MEI4: variants seen among roughly 807,000 people sequenced by gnomAD.
MEI4 encodes the protein meiotic double-stranded break formation protein 4, also known as meiosis-specific protein MEI4.
MEI4 carries 27 observed loss-of-function variants against 31.4 expected under a neutral mutation model. The observed-to-expected ratio is 0.86, with a 90% CI of 0.63 to 1.19. MEI4 has a LOEUF of 1.19. Among genes scored for constraint, MEI4 ranks in the 50% most tolerant of loss-of-function variants. The probability of loss-of-function intolerance (pLI) is 0.00; values close to 1 mark genes in which losing one functional copy is unlikely to be tolerated. For synonymous variants in MEI4, 122 were observed against 145.4 expected, an observed-to-expected ratio of 0.84 and a Z score of 1.16; for missense variants, 329 against 398.9, an observed-to-expected ratio of 0.82 and a Z score of 1.49.
chr6:77,659,683 C>T (rs1768465803), intron 1 of MEI4, among the ~76,000 whole-genome samples: 1 of 152,074 alleles, frequency 6.6e-6, no homozygotes, highest in African/African-American at 2.4e-5. Flanking sequence ...CAAGTGTCTT[C>T]CTAAGCAATA....
At chr6:77,695,072 T>G (rs1034482072) in intron 2 of MEI4, among the ~76,000 whole-genome samples, 1 of 152,230 alleles carries the variant, frequency 6.6e-6, no homozygotes, top group East Asian at 1.9e-4. Flanking sequence ...TTTTGAGAAG[T>G]GTCTGTTCGT....
intron 2 of MEI4, among the ~76,000 whole-genome samples, chr6:77,724,965 T>C (rs1424666390): frequency 7.0e-6 from 1 of 142,646 alleles, no homozygotes; most frequent in Non-Finnish European, 1.5e-5. Context: ...TGAAATACTA[T>C]CTTCTTCTGT....
At chr6:77,896,852 T>A (rs1484273990) in intron 4 of MEI4, among the ~76,000 whole-genome samples, 2 of 152,006 alleles carry the variant, frequency 1.3e-5, no homozygotes, top group East Asian at 3.9e-4. Context: ...TTCACCACAG[T>A]GTAGTACTTG....
intron 4 of MEI4, among the ~76,000 whole-genome samples, chr6:77,877,419 T>A (rs2127727442): frequency 6.6e-6 from 1 of 152,258 alleles, no homozygotes; most frequent in African/African-American, 2.4e-5. Flanking sequence ...TTTTGACAGT[T>A]GAAATGCCAG....
At chr6:77,743,457 T>C (rs1410063052) in intron 2 of MEI4, among the ~76,000 whole-genome samples, 6 of 152,312 alleles carry the variant, frequency 3.9e-5, no homozygotes, top group South Asian at 2.1e-4. Context: ...CTTGTGATTT[T>C]TGTACATTGA....
intron 3 of MEI4, among the ~76,000 whole-genome samples, chr6:77,782,602 G>A (rs571249398): frequency 0.011 from 1,720 of 152,212 alleles, 29 homozygotes; most frequent in African/African-American, 0.039. Context: ...CTGAAAGAGG[G>A]AAGTCACATG....
chr6:77,710,062 T>C (rs1349509462), intron 2 of MEI4, among the ~76,000 whole-genome samples: 1 of 152,206 alleles, frequency 6.6e-6, no homozygotes, highest in Non-Finnish European at 1.5e-5. Flanking sequence ...CAGTGATTTA[T>C]ACTTTTCTAG....
At chr6:77,858,497 GT>G (rs999190512) in intron 4 of MEI4, among the ~76,000 whole-genome samples, 6 of 151,816 alleles carry the variant, frequency 4.0e-5, no homozygotes, top group African/African-American at 9.7e-5. Flanking sequence ...AGCAATTGGA[GT>G]TTTTTTTCTT....
At position 77,761,287 on chromosome 6, in the gene MEI4, T is replaced by A. The variant is rs1768038162; in HGVS notation, c.390T>A (p.Phe130Leu). 8.1e-7 allele frequency: 1 copy of A among 1,232,526 alleles called. No homozygotes were observed. Among genetic ancestry groups the A allele is most frequent in the Admixed American group, 4.2e-5 (1 of 23,702 alleles). 76.3% of individuals were successfully genotyped at this position (1,232,526 alleles called of 1,614,324 possible). A position where few individuals can be genotyped will look rare whatever the true frequency, so the allele number is the denominator to read the frequency against. The change falls in exon 3 of 5, where the codon TTT becomes TTA. Residue 130 changes from phenylalanine to leucine, a missense_variant. Transcript: ENST00000684080. ...HFVESCTPTH[F>L]PPLPLVKRPC... ...TGGAAAGCTGTACCCCCACTCACTT[T>A]CCACCACTGCCTCTTGTGAAAAGAC...
chr6:77,750,980 A>T (rs528669090), intron 2 of MEI4, among the ~76,000 whole-genome samples: 4 of 152,344 alleles, frequency 2.6e-5, no homozygotes, highest in Non-Finnish European at 5.9e-5. Flanking sequence ...AAACTGCACG[A>T]CTGCATGGAA....
intron 4 of MEI4, among the ~76,000 whole-genome samples, chr6:77,851,954 G>T (rs536183093): frequency 2.0e-5 from 3 of 152,222 alleles, no homozygotes; most frequent in Admixed American, 1.3e-4. Context: ...ATTTAAAAAT[G>T]AATTGAACGC....
chr6:77,730,688 A>T (rs1177542439), intron 2 of MEI4, among the ~76,000 whole-genome samples: 1 of 152,024 alleles, frequency 6.6e-6, no homozygotes, highest in East Asian at 1.9e-4. Flanking sequence ...CAAGTTAGTT[A>T]CATATGTATA....
rs1464088876 is a variant in MEI4 at position 77,915,677 on chromosome 6, TTTATAA to T, written c.901-7406_901-7401del. Among the ~76,000 whole-genome samples the T allele has an allele frequency of 4.6e-5, 7 of 152,206 alleles. No individual in the cohort carries two copies. In the South Asian group the frequency reaches 1.2e-3, roughly 27 times the overall value. On this transcript the variant is annotated intron_variant, in intron 4 of 4. Coordinates refer to ENST00000684080, the MANE Select transcript of MEI4 (RefSeq NM_001322247.2). ...TTATATCTTCTTTCTAATTGGTCCCTTTATAATTATATAATGACCTTCTTTGTTTCT... is the reference window on the plus strand; with the variant it reads ...TTATATCTTCTTTCTAATTGGTCCCTTTATATAATGACCTTCTTTGTTTCT...
At chr6:77,704,123 T>C (rs1029515396) in intron 2 of MEI4, among the ~76,000 whole-genome samples, 4 of 152,234 alleles carry the variant, frequency 2.6e-5, no homozygotes, top group Non-Finnish European at 5.9e-5. Flanking sequence ...CAAGAATATG[T>C]CAGCTTCTCT....
rs149127141 is a variant in MEI4, at chr6:77,808,954, G to A, written c.769-19977G>A. On this transcript the variant is annotated intron_variant, in intron 3 of 4. Transcript: ENST00000684080. ...ATTCTATGAAGGGGCATGACTTTGGGTGACGTGGCTCTCTGCAAATGAGGC... is the reference window on the plus strand; with the variant it reads ...ATTCTATGAAGGGGCATGACTTTGGATGACGTGGCTCTCTGCAAATGAGGC... Among the ~76,000 whole-genome samples the A allele has an allele frequency of 1.4e-3, 213 of 152,294 alleles. 1 individual carries two copies. Among genetic ancestry groups the A allele is most frequent in the African/African-American group, 4.5e-3 (187 of 41,566 alleles).
intron 4 of MEI4, among the ~76,000 whole-genome samples, chr6:77,901,617 T>C (rs1766190475): frequency 6.6e-6 from 1 of 152,066 alleles, no homozygotes; most frequent in Non-Finnish European, 1.5e-5. Context: ...ATATTAGCCC[T>C]TTATCAGGTA....
At chr6:77,866,595 A>G (rs1771035115) in intron 4 of MEI4, among the ~76,000 whole-genome samples, 1 of 152,308 alleles carries the variant, frequency 6.6e-6, no homozygotes, top group Non-Finnish European at 1.5e-5. Flanking sequence ...AGAAATGGAA[A>G]AACATTCCAT....
intron 3 of MEI4, among the ~76,000 whole-genome samples, chr6:77,777,054 A>G (rs1458011435): frequency 1.3e-5 from 2 of 152,162 alleles, no homozygotes; most frequent in African/African-American, 2.4e-5. Context: ...TAAAGTATAC[A>G]CTGGAAGCTT....
chr6:77,836,753 A>G (rs554480013), intron 4 of MEI4, among the ~76,000 whole-genome samples: 1 of 152,218 alleles, frequency 6.6e-6, no homozygotes, highest in South Asian at 2.1e-4. Flanking sequence ...TCTTTTCTGA[A>G]ATTATACATG....
Sources: allele counts gnomAD v4.1 joint callset (sites outside exome capture counted in the v4.1 genomes callset), GRCh38; gene constraint gnomAD v4.1.1; transcripts MANE v1.5; gene names NCBI Gene and HGNC (gene_info 2026-07-23, HGNC 2026-07-21).